The following MECOM variants were observed in gnomAD, a reference collection of about 807,000 sequenced individuals.
MECOM encodes the protein histone-lysine N-methyltransferase MECOM.
A neutral mutation model predicts 116.3 loss-of-function variants in MECOM; 13 were observed. That is an observed-to-expected ratio of 0.11 (90% confidence interval 0.07 to 0.18). The LOEUF (loss-of-function observed/expected upper bound fraction) is 0.18. MECOM is among the 10% of genes least tolerant of loss of function. MECOM has a pLI of 1.00. For synonymous variants in MECOM, 528 were observed against 535.2 expected (o/e 0.99, Z 0.19); for missense variants, 1,299 against 1,509.0 (o/e 0.86, Z 2.31).
At chr3:169,521,717 T>A (rs893483697) in intron 1 of MECOM, among the ~76,000 whole-genome samples, 41 of 152,306 alleles carry the variant, frequency 2.7e-4, no homozygotes, top group African/African-American at 9.4e-4. Context: ...TAGTAAGAAC[T>A]CCAGGGATTC....
At chr3:169,405,090 T>C (rs1435481594) in intron 1 of MECOM, among the ~76,000 whole-genome samples, 1 of 152,236 alleles carries the variant, frequency 6.6e-6, no homozygotes, top group African/African-American at 2.4e-5. Flanking sequence ...GATAACAGTT[T>C]ATGAACACTT....
intron 2 of MECOM, among the ~76,000 whole-genome samples, chr3:169,292,176 C>G (rs1393718784): frequency 1.3e-5 from 2 of 151,920 alleles, no homozygotes; most frequent in Admixed American, 1.3e-4. Context: ...AACCCTGTCT[C>G]TACTAAAAAT....
intron 1 of MECOM, among the ~76,000 whole-genome samples, chr3:169,562,685 G>A (rs747215601): frequency 6.6e-6 from 1 of 152,098 alleles, no homozygotes; most frequent in Admixed American, 6.6e-5. Flanking sequence ...CTCCAGAAAG[G>A]AGCCATGCTT....
intron 1 of MECOM, among the ~76,000 whole-genome samples, chr3:169,453,426 C>T (rs983465404): frequency 6.6e-6 from 1 of 152,184 alleles, no homozygotes; most frequent in Non-Finnish European, 1.5e-5. Context: ...GGGCTCCTAG[C>T]CACAATGACA....
At chr3:169,247,177 C>T (rs1755687704) in intron 2 of MECOM, among the ~76,000 whole-genome samples, 1 of 152,104 alleles carries the variant, frequency 6.6e-6, no homozygotes, top group African/African-American at 2.4e-5. Context: ...GGAAAAACTA[C>T]TCACTGTATA....
intron 1 of MECOM, among the ~76,000 whole-genome samples, chr3:169,495,750 A>T (rs1394630954): frequency 6.6e-6 from 1 of 152,202 alleles, no homozygotes; most frequent in East Asian, 1.9e-4. Flanking sequence ...AAAGCTCTTC[A>T]GTTTCAAAGC....
chr3:169,442,543 C>T (rs1743910271), intron 1 of MECOM, among the ~76,000 whole-genome samples: 1 of 152,192 alleles, frequency 6.6e-6, no homozygotes, highest in Admixed American at 6.5e-5. Flanking sequence ...CTAATGTAAT[C>T]TCTTCCATGC....
intron 2 of MECOM, among the ~76,000 whole-genome samples, chr3:169,276,782 C>A (rs1759641992): frequency 6.6e-6 from 1 of 152,052 alleles, no homozygotes; most frequent in Non-Finnish European, 1.5e-5. Context: ...AATGTAATCA[C>A]CTTAAATATC....
intron 1 of MECOM, among the ~76,000 whole-genome samples, chr3:169,442,216 A>G (rs768530702): frequency 6.6e-5 from 10 of 152,092 alleles, no homozygotes; most frequent in Non-Finnish European, 1.3e-4. Context: ...ATGAGCCACC[A>G]TATCCAGCCA....
intron 2 of MECOM, among the ~76,000 whole-genome samples, chr3:169,298,349 T>C (rs1309814799): frequency 2.0e-5 from 3 of 151,964 alleles, no homozygotes; most frequent in Non-Finnish European, 4.4e-5. Flanking sequence ...ATGTATTAAA[T>C]GTTATATATT....
At chr3:169,471,186 T>A (rs1019584727) in intron 1 of MECOM, among the ~76,000 whole-genome samples, 5 of 152,128 alleles carry the variant, frequency 3.3e-5, no homozygotes, top group African/African-American at 1.2e-4. Context: ...GAGATAGGGT[T>A]TAGCCATGTT....
At position 169,627,172 on chromosome 3, in the gene MECOM, C is replaced by T. The variant is rs371187484; in HGVS notation, c.37+36164G>A. On this transcript the variant is annotated intron_variant, in intron 1 of 16. Transcript: ENST00000651503. ...TGAAAGGATCCAATTGACAGTTTTA[C>T]GAGACTGGAGTCTGGTGAAAGCAGG... Among the ~76,000 whole-genome samples, 69 of 152,272 alleles carry T rather than the reference C, an allele frequency of 4.5e-4. 1 individual carries two copies. The highest frequency in any genetic ancestry group is 1.3e-3 in the African/African-American group (52 of 41,534).
intron 1 of MECOM, chr3:169,483,837 G>C (rs1751740510): frequency 6.2e-7 from 1 of 1,611,680 alleles, no homozygotes; most frequent in Admixed American, 1.7e-5. Flanking sequence ...AGGCACCTCG[G>C]ATGTCACGGT....
In MECOM at chr3:169,663,328, G is replaced by T. The variant is rs1233669629; in HGVS notation, c.37+8C>A. ...GAAAAGCCAATAGAAAAGGGATATT[G>T]CACCTACTTGTGGCCAGTTTCCTTG... On this transcript the variant is annotated splice_region_variant and intron_variant, in intron 1 of 16. Transcript: ENST00000651503. The T allele has an allele frequency of 3.1e-6, 5 of 1,607,824 alleles. No homozygotes were observed. Among genetic ancestry groups the T allele is most frequent in the Non-Finnish European group, 4.2e-6 (5 of 1,177,176 alleles).
At chr3:169,092,518 A>T (rs1314404502) in intron 14 of MECOM, among the ~76,000 whole-genome samples, 1 of 152,092 alleles carries the variant, frequency 6.6e-6, no homozygotes, top group Non-Finnish European at 1.5e-5. Flanking sequence ...GATGTATAAT[A>T]GTAGCCACTA....
chr3:169,548,190 CA>C (rs879720168), intron 1 of MECOM, among the ~76,000 whole-genome samples: 4 of 150,426 alleles, frequency 2.7e-5, no homozygotes, highest in South Asian at 2.1e-4. Context: ...CACACACACA[CA>C]AAAAAAAAGA....
At chr3:169,310,170 C>T (rs1718481317) in intron 2 of MECOM, among the ~76,000 whole-genome samples, 1 of 152,166 alleles carries the variant, frequency 6.6e-6, no homozygotes, top group South Asian at 2.1e-4. Flanking sequence ...AGATTAAAGA[C>T]ATTTTTTCCC....
chr3:169,648,216 G>A (rs1381090452), intron 1 of MECOM, among the ~76,000 whole-genome samples: 4 of 152,220 alleles, frequency 2.6e-5, no homozygotes, highest in Non-Finnish European at 5.9e-5. Flanking sequence ...CTAAGATGGA[G>A]CTCATTATGC....
At position 169,660,989 on chromosome 3, in the gene MECOM, G is replaced by A. The variant is rs78536931; in HGVS notation, c.37+2347C>T. 8.2e-3 allele frequency among the ~76,000 whole-genome samples: 1,241 copies of A among 152,254 alleles called. 41 individuals are homozygous for A. In the East Asian group the frequency reaches 0.088, roughly 11 times the overall value. Reference sequence around the variant, plus strand: ...AGAAAGCGGCAGCGGCATCCTTAGAGACCCTGGGGACAAAATAAATGGGTC... The same window carrying A: ...AGAAAGCGGCAGCGGCATCCTTAGAAACCCTGGGGACAAAATAAATGGGTC... On this transcript the variant is annotated intron_variant, in intron 1 of 16. Transcript: ENST00000651503.
Sources: gnomAD v4.1 joint callset for allele counts (sites outside exome capture counted in the v4.1 genomes callset) on GRCh38, gnomAD v4.1.1 for gene constraint, MANE v1.5 for transcripts, NCBI Gene and HGNC (gene_info 2026-07-23, HGNC 2026-07-21) for gene names.